Variants in SLC22A15 observed in about 807,000 individuals in gnomAD.
SLC22A15 encodes flipt 1.
A neutral mutation model predicts 62.7 loss-of-function variants in SLC22A15; 45 were observed. The observed-to-expected ratio is 0.72, with a 90% CI of 0.56 to 0.92. The LOEUF (loss-of-function observed/expected upper bound fraction) is 0.92. Among genes scored for constraint, SLC22A15 ranks in the 40% least tolerant of loss-of-function variants. The probability of loss-of-function intolerance (pLI) is 0.00; values close to 1 mark genes in which losing one functional copy is unlikely to be tolerated. For synonymous variants in SLC22A15, 264 were observed against 267.0 expected (o/e 0.99, Z 0.11); for missense variants, 622 against 665.6 (o/e 0.93, Z 0.72).
intron 8 of SLC22A15, among the ~76,000 whole-genome samples, chr1:116,046,625 T>C (rs1657936622): frequency 6.6e-6 from 1 of 152,084 alleles, no homozygotes; most frequent in African/African-American, 2.4e-5. Flanking sequence ...TAGCTCCAGA[T>C]TGACAGCAAG....
At chr1:116,060,073 A>G (rs1198726141) in intron 8 of SLC22A15, among the ~76,000 whole-genome samples, 1 of 152,226 alleles carries the variant, frequency 6.6e-6, no homozygotes, top group African/African-American at 2.4e-5. Flanking sequence ...AGCCAATAAT[A>G]TCTGATTTTC....
rs544863664 is a variant in SLC22A15, at chr1:115,999,418, G to GGGGTTTATCTC, written c.300+7176_300+7186dup. ...TGAAGTCTCCAGCAACTATTGTATTGGGGTTTATCTCTCTTTTTAGTCCTA... is the reference window on the plus strand; with the variant it reads ...TGAAGTCTCCAGCAACTATTGTATTGGGGTTTATCTCGGGTTTATCTCTCTTTTTAGTCCTA... On this transcript the variant is annotated intron_variant, in intron 2 of 11. Coordinates refer to ENST00000369503, the MANE Select transcript of SLC22A15 (RefSeq NM_018420.3). 2.4e-3 allele frequency among the ~76,000 whole-genome samples: 369 copies of GGGGTTTATCTC among 151,958 alleles called. 3 individuals carry two copies. Among genetic ancestry groups the GGGGTTTATCTC allele is most frequent in the Admixed American group, 0.018 (280 of 15,260 alleles).
chr1:116,026,680 C>T (rs1657108810), intron 4 of SLC22A15, among the ~76,000 whole-genome samples: 1 of 152,122 alleles, frequency 6.6e-6, no homozygotes. Context: ...TCTATCTTCC[C>T]TTTATTTCCA....
At chr1:116,054,497 G>A (rs1303662276) in intron 8 of SLC22A15, among the ~76,000 whole-genome samples, 7 of 152,022 alleles carry the variant, frequency 4.6e-5, no homozygotes, top group African/African-American at 1.5e-4. Context: ...ACAGATCAAC[G>A]AGACAGAAAG....
intron 9 of SLC22A15, 65 bp from the exon 10 acceptor site, chr1:116,064,371 C>A: frequency 1.7e-6 from 2 of 1,191,382 alleles, no homozygotes; most frequent in Non-Finnish European, 2.5e-6. Flanking sequence ...CCCGCTGCTG[C>A]CCCCCAAGGG....
At chr1:116,040,821 G>A (rs533755030) in intron 8 of SLC22A15, among the ~76,000 whole-genome samples, 7 of 152,272 alleles carry the variant, frequency 4.6e-5, no homozygotes, top group African/African-American at 1.7e-4. Context: ...TTGTAGGGTG[G>A]TCGGGAGCTC....
chr1:115,986,375 A>G (rs1266060180), intron 1 of SLC22A15, among the ~76,000 whole-genome samples: 1 of 152,126 alleles, frequency 6.6e-6, no homozygotes, highest in Non-Finnish European at 1.5e-5. Flanking sequence ...GAGGTGACAA[A>G]TCATTGAAAA....
intron 2 of SLC22A15, among the ~76,000 whole-genome samples, chr1:116,016,372 G>A (rs1027675682): frequency 8.0e-5 from 12 of 150,680 alleles, no homozygotes; most frequent in Non-Finnish European, 4.4e-5. Context: ...GACTACAGGT[G>A]TGCACCACCA....
chr1:116,039,010 A>G (rs1204564037), intron 8 of SLC22A15, among the ~76,000 whole-genome samples: 1 of 152,192 alleles, frequency 6.6e-6, no homozygotes. Context: ...ATAACAAGAC[A>G]AAAATCCATG....
intron 8 of SLC22A15, chr1:116,037,597 T>G: frequency 2.1e-6 from 1 of 480,682 alleles, no homozygotes; most frequent in South Asian, 3.3e-5. Flanking sequence ...TATTAATTCT[T>G]TCAGGCTATT....
chr1:116,010,219 A>G (rs1373329736), intron 2 of SLC22A15, among the ~76,000 whole-genome samples: 1 of 152,242 alleles, frequency 6.6e-6, no homozygotes, highest in African/African-American at 2.4e-5. Context: ...CACAATTATC[A>G]TGCTTAATTA....
chr1:115,977,331 A>AGT (rs1340578432), intron 1 of SLC22A15, among the ~76,000 whole-genome samples: 1 of 152,202 alleles, frequency 6.6e-6, no homozygotes, highest in African/African-American at 2.4e-5. Flanking sequence ...TGAGCCGAAT[A>AGT]GTGCCATCTA....
rs542854846 is a variant in SLC22A15 at position 116,031,537 on chromosome 1, T to C, written c.900T>C (p.Arg300=). 8.6e-5 allele frequency: 138 copies of C among 1,614,016 alleles called. 1 individual carries two copies. In the South Asian group the frequency reaches 1.4e-3, roughly 16 times the overall value. The change falls in exon 6 of 12, where the codon CGT becomes CGC. Residue 300 remains arginine, a synonymous_variant. Coordinates refer to ENST00000369503, the MANE Select transcript of SLC22A15 (RefSeq NM_018420.3). ...RETGSFLDLF[R]YRVLLGHTLI... is the part of the protein sequence containing the mutation. ...CTGGAAGTTTCCTGGATCTCTTTCG[T>C]TACCGGGTCCTGTTAGGACACACTT... is the stretch of plus-strand genomic sequence containing the variant.
At chr1:116,038,170 T>A (rs1476178421) in intron 8 of SLC22A15, among the ~76,000 whole-genome samples, 1 of 152,184 alleles carries the variant, frequency 6.6e-6, no homozygotes, top group Non-Finnish European at 1.5e-5. Context: ...GCATGTGATA[T>A]AACAAGAGCC....
At chr1:116,053,348 T>C (rs1484662545) in intron 8 of SLC22A15, among the ~76,000 whole-genome samples, 1 of 151,884 alleles carries the variant, frequency 6.6e-6, no homozygotes, top group African/African-American at 2.4e-5. Context: ...AAGGGAAGTT[T>C]AGAGAAAAAA....
At chr1:116,020,547 C>T (rs1024040026) in intron 3 of SLC22A15, among the ~76,000 whole-genome samples, 174 bp from the exon 4 acceptor site, 3 of 149,618 alleles carry the variant, frequency 2.0e-5, no homozygotes, top group Non-Finnish European at 4.4e-5. Flanking sequence ...CAGAGCGAGA[C>T]TCCATCTCAA....
intron 1 of SLC22A15, among the ~76,000 whole-genome samples, chr1:115,985,790 T>A (rs1397991411): frequency 6.6e-6 from 1 of 151,184 alleles, no homozygotes; most frequent in Non-Finnish European, 1.5e-5. Context: ...CTACTAAAAA[T>A]ACAAAAATTA....
At chr1:116,002,154 G>A (rs139466112) in intron 2 of SLC22A15, among the ~76,000 whole-genome samples, 101 of 152,326 alleles carry the variant, frequency 6.6e-4, no homozygotes, top group Non-Finnish European at 1.2e-3. Context: ...GGATTACCAG[G>A]CAGAGCCTCT....
At chr1:115,985,981 G>A (rs1016491296) in intron 1 of SLC22A15, among the ~76,000 whole-genome samples, 2 of 149,988 alleles carry the variant, frequency 1.3e-5, no homozygotes, top group African/African-American at 4.9e-5. Context: ...AAACAGATGC[G>A]ATTAAATACT....
Sources: allele counts gnomAD v4.1 joint callset (sites outside exome capture counted in the v4.1 genomes callset), GRCh38; gene constraint gnomAD v4.1.1; transcripts MANE v1.5; gene names NCBI Gene and HGNC (gene_info 2026-07-23, HGNC 2026-07-21).